PDE4B: variants seen among roughly 807,000 people sequenced by gnomAD.
PDE4B encodes the protein phosphodiesterase 4B.
A neutral mutation model predicts 82.2 loss-of-function variants in PDE4B; 20 were observed. That is an observed-to-expected ratio of 0.24 (90% CI 0.17 to 0.35). The LOEUF is 0.35. Among genes scored for constraint, PDE4B ranks in the 10% least tolerant of loss-of-function variants. The pLI, the probability that PDE4B is intolerant of heterozygous loss-of-function variation, is 1.00. For missense variants in PDE4B, 655 were observed against 907.2 expected (o/e 0.72, Z 3.57); for synonymous variants, 320 against 318.9 (o/e 1.00, Z -0.04).
intron 4 of PDE4B, among the ~76,000 whole-genome samples, chr1:66,255,465 G>A (rs974705833): frequency 6.6e-6 from 1 of 152,146 alleles, no homozygotes; most frequent in South Asian, 2.1e-4. Flanking sequence ...AGCGTGGGAG[G>A]CCTTCTATCC....
At chr1:65,861,500 T>G (rs1349651381) in intron 1 of PDE4B, among the ~76,000 whole-genome samples, 1 of 152,246 alleles carries the variant, frequency 6.6e-6, no homozygotes, top group East Asian at 1.9e-4. Flanking sequence ...AGCTTTGTTC[T>G]TTTTGCTTAG....
intron 3 of PDE4B, among the ~76,000 whole-genome samples, chr1:66,237,163 C>G (rs1001967021): frequency 3.3e-5 from 5 of 152,182 alleles, no homozygotes; most frequent in Non-Finnish European, 7.3e-5. Flanking sequence ...TCTCACCCCT[C>G]CTCCCTTCCC....
chr1:66,298,010 A>G (rs1253951274), intron 7 of PDE4B, among the ~76,000 whole-genome samples: 1 of 152,176 alleles, frequency 6.6e-6, no homozygotes, highest in East Asian at 1.9e-4. Flanking sequence ...AATCATTTGT[A>G]TGAATGTAGG....
chr1:66,064,993 A>G (rs763597587), intron 3 of PDE4B, among the ~76,000 whole-genome samples: 45 of 152,086 alleles, frequency 3.0e-4, no homozygotes, highest in Admixed American at 5.9e-4. Context: ...AATAATAAAT[A>G]CAAAATTAAT....
At chr1:65,842,060 C>T (rs1270188968) in intron 1 of PDE4B, among the ~76,000 whole-genome samples, 1 of 152,066 alleles carries the variant, frequency 6.6e-6, no homozygotes, top group African/African-American at 2.4e-5. Flanking sequence ...GAATCTTACA[C>T]CATGGACAAT....
intron 3 of PDE4B, among the ~76,000 whole-genome samples, chr1:66,087,268 C>T (rs1384287989): frequency 6.6e-6 from 1 of 152,154 alleles, no homozygotes; most frequent in African/African-American, 2.4e-5. Flanking sequence ...TGATCTGGAA[C>T]AGTCCAGACT....
chr1:65,807,199 C>T (rs1346856623), intron 1 of PDE4B, among the ~76,000 whole-genome samples: 1 of 152,156 alleles, frequency 6.6e-6, no homozygotes, highest in African/African-American at 2.4e-5. Context: ...GCAGGTACCT[C>T]AGAGAATCAT....
At chr1:66,096,750 C>T (rs1202059891) in intron 3 of PDE4B, among the ~76,000 whole-genome samples, 2 of 151,206 alleles carry the variant, frequency 1.3e-5, no homozygotes, top group African/African-American at 4.8e-5. Context: ...ACATTGTGAC[C>T]ACTTCTAAAA....
intron 1 of PDE4B, among the ~76,000 whole-genome samples, chr1:65,798,027 T>C (rs2101153512): frequency 6.6e-6 from 1 of 152,150 alleles, no homozygotes; most frequent in South Asian, 2.1e-4. Flanking sequence ...TATTTATTTA[T>C]TTATTTTTTG....
intron 16 of PDE4B, 62 bp downstream of exon 16, chr1:66,369,031 C>A: frequency 8.0e-7 from 1 of 1,254,028 alleles, no homozygotes; most frequent in South Asian, 1.6e-5. Flanking sequence ...CTGGAGGGTT[C>A]TATTTAATTC....
rs569476131 is a variant in PDE4B at position 65,888,852 on chromosome 1, G to A, written c.-70-24393G>A. Among the ~76,000 whole-genome samples the A allele has an allele frequency of 5.9e-5, 9 of 151,934 alleles. No individual in the cohort carries two copies. The East Asian group carries it at 1.7e-3, about 29-fold the overall frequency. ...TTTATTAGATCTCAGTTTTTTTGTG[G>A]AGTCTATAGATTTTTTTCTAGATAT... On this transcript the variant is annotated intron_variant, in intron 1 of 16. Transcript: ENST00000341517.
At chr1:65,922,630 A>T (rs1569692570) in intron 3 of PDE4B, among the ~76,000 whole-genome samples, 1 of 152,182 alleles carries the variant, frequency 6.6e-6, no homozygotes, top group East Asian at 1.9e-4. Context: ...TACCCCTACA[A>T]AACTTGTAGC....
intron 1 of PDE4B, among the ~76,000 whole-genome samples, chr1:65,906,270 G>T (rs998553738): frequency 6.6e-6 from 1 of 151,796 alleles, no homozygotes; most frequent in African/African-American, 2.4e-5. Flanking sequence ...TTTAGGAGAC[G>T]GAAAAAATTC....
chr1:65,821,930 T>C (rs958529014), intron 1 of PDE4B, among the ~76,000 whole-genome samples: 2 of 152,154 alleles, frequency 1.3e-5, no homozygotes, highest in Non-Finnish European at 2.9e-5. Flanking sequence ...GCAAAACAAC[T>C]GTTTAGCTCC....
chr1:66,226,892 T>C (rs148562775), intron 3 of PDE4B, among the ~76,000 whole-genome samples: 121 of 152,260 alleles, frequency 7.9e-4, no homozygotes, highest in Non-Finnish European at 1.5e-3. Context: ...AAAATCCTCA[T>C]AACAGATAAT....
chr1:65,851,006 A>G (rs1646326200), intron 1 of PDE4B, among the ~76,000 whole-genome samples: 1 of 152,184 alleles, frequency 6.6e-6, no homozygotes, highest in African/African-American at 2.4e-5. Context: ...GTTCACATGT[A>G]TGTGAATATG....
At chr1:66,052,127 C>T (rs1029913517) in intron 3 of PDE4B, among the ~76,000 whole-genome samples, 2 of 152,152 alleles carry the variant, frequency 1.3e-5, no homozygotes, top group African/African-American at 4.8e-5. Flanking sequence ...TGCTAAACTT[C>T]AATTCACAGT....
chr1:66,029,380 C>T (rs1319824882), intron 3 of PDE4B, among the ~76,000 whole-genome samples: 3 of 152,104 alleles, frequency 2.0e-5, no homozygotes, highest in African/African-American at 4.8e-5. Flanking sequence ...GGGGACACAG[C>T]CAAACCATAT....
intron 3 of PDE4B, among the ~76,000 whole-genome samples, chr1:66,127,805 GTGTTGACT>G (rs1645854351): frequency 6.6e-6 from 1 of 152,082 alleles, no homozygotes; most frequent in African/African-American, 2.4e-5. Context: ...TGGCATCATA[GTGTTGACT>G]TTTTCATTAT....
Sources: allele counts gnomAD v4.1 joint callset (sites outside exome capture counted in the v4.1 genomes callset), GRCh38; gene constraint gnomAD v4.1.1; transcripts MANE v1.5; gene names NCBI Gene and HGNC (gene_info 2026-07-23, HGNC 2026-07-21).